CTBP2: variants seen among roughly 807,000 people sequenced by gnomAD.
CTBP2 encodes the protein C-terminal-binding protein 2.
A neutral mutation model predicts 80.3 loss-of-function variants in CTBP2; 30 were observed. That is an observed-to-expected ratio of 0.37 (90% confidence interval 0.28 to 0.51). CTBP2 has a LOEUF of 0.51. Ranked by LOEUF, CTBP2 falls within the 20% of genes least tolerant of loss-of-function variation. The pLI, the probability that CTBP2 is intolerant of heterozygous loss-of-function variation, is 0.93. For missense variants in CTBP2, 1,212 were observed against 1,375.3 expected (o/e 0.88, Z 1.88); for synonymous variants, 594 against 587.4 (o/e 1.01, Z -0.16).
In CTBP2 at chr10:125,098,744, G is replaced by C. The variant is rs11245503; in HGVS notation, c.-102+12246C>G. ...AGAGACAGAGAGAGAGAGAGAGAGAGAGAGACAGAGAGAGAGAGAGAGAGA... is the reference window on the plus strand; with the variant it reads ...AGAGACAGAGAGAGAGAGAGAGAGACAGAGACAGAGAGAGAGAGAGAGAGA... On this transcript the variant is annotated intron_variant, in intron 2 of 10. Coordinates refer to the CTBP2 transcript ENST00000337195. Among the ~76,000 whole-genome samples, 104 of 114,522 alleles carry C rather than the reference G, an allele frequency of 9.1e-4. 4 individuals carry two copies. The highest frequency in any genetic ancestry group is 1.3e-3 in the Non-Finnish European group (69 of 53,650). 75.1% of individuals were successfully genotyped at this position (114,522 alleles called of 152,430 possible).
chr10:125,050,915 C>T (rs1962579682), intron 2 of CTBP2, among the ~76,000 whole-genome samples: 1 of 152,174 alleles, frequency 6.6e-6, no homozygotes, highest in African/African-American at 2.4e-5. Context: ...AGGCCTCCTG[C>T]ACCAAAGTCC....
intron 1 of CTBP2, among the ~76,000 whole-genome samples, chr10:125,112,381 G>A (rs2135940006): frequency 6.6e-6 from 1 of 150,798 alleles, no homozygotes; most frequent in African/African-American, 2.4e-5. Context: ...CCAAAGTGCT[G>A]GGATTACAGG....
intron 2 of CTBP2, among the ~76,000 whole-genome samples, chr10:125,060,823 C>T (rs983386202): frequency 2.0e-4 from 31 of 152,332 alleles, no homozygotes; most frequent in Admixed American, 1.8e-3. Context: ...CTAGAGGACA[C>T]GAAGCCGAGG....
At chr10:125,115,203 A>C (rs1853030178) in intron 1 of CTBP2, among the ~76,000 whole-genome samples, 1 of 152,106 alleles carries the variant, frequency 6.6e-6, no homozygotes, top group African/African-American at 2.4e-5. Context: ...CTGATCCTAA[A>C]GGGGCCCTTG....
intron 2 of CTBP2, among the ~76,000 whole-genome samples, chr10:125,070,876 GCT>G (rs1242219166): frequency 6.6e-6 from 1 of 152,112 alleles, no homozygotes; most frequent in African/African-American, 2.4e-5. Flanking sequence ...TGGCCAGGCT[GCT>G]CTCAGTCTCC....
intron 1 of CTBP2, among the ~76,000 whole-genome samples, chr10:125,139,533 G>T (rs1010374199): frequency 1.3e-5 from 2 of 152,032 alleles, no homozygotes; most frequent in Non-Finnish European, 2.9e-5. Context: ...TGTCTGCCTT[G>T]TTTTTTTCTC....
At chr10:125,145,880 C>T (rs2133331739) in intron 1 of CTBP2, among the ~76,000 whole-genome samples, 1 of 152,208 alleles carries the variant, frequency 6.6e-6, no homozygotes, top group South Asian at 2.1e-4. Context: ...GGTGGTTTCC[C>T]AAGGGCATTT....
intron 1 of CTBP2, among the ~76,000 whole-genome samples, chr10:125,113,782 C>T (rs544293356): frequency 6.6e-6 from 1 of 152,286 alleles, no homozygotes; most frequent in African/African-American, 2.4e-5. Context: ...AGGAAATAGA[C>T]AAGTCTGCCT....
At chr10:125,090,693 G>A (rs547142036) in intron 2 of CTBP2, among the ~76,000 whole-genome samples, 21 of 151,880 alleles carry the variant, frequency 1.4e-4, no homozygotes, top group African/African-American at 3.9e-4. Flanking sequence ...AGCCCAGGAC[G>A]TCGAGGCTGT....
intron 1 of CTBP2, among the ~76,000 whole-genome samples, chr10:125,138,445 C>A (rs774823623): frequency 6.6e-6 from 1 of 152,106 alleles, no homozygotes; most frequent in Non-Finnish European, 1.5e-5. Flanking sequence ...TTTGGTGGGG[C>A]TGGTGAAAAT....
intron 3 of CTBP2, among the ~76,000 whole-genome samples, 199 bp downstream of exon 3, chr10:125,038,798 A>AGAAGCCAGGCCTTGTCCTAAGCC (rs1309961744): frequency 6.6e-6 from 1 of 152,200 alleles, no homozygotes; most frequent in African/African-American, 2.4e-5. Context: ...ACCCCGCCCC[A>AGAAGCCAGGCCTTGTCCTAAGCC]GAAGCCAGGC....
At chr10:125,063,807 C>G (rs1312082946) in intron 2 of CTBP2, among the ~76,000 whole-genome samples, 5 of 152,188 alleles carry the variant, frequency 3.3e-5, no homozygotes, top group Non-Finnish European at 7.3e-5. Context: ...ACACAGCTCT[C>G]CCGTGGCTAT....
rs59556429 is a variant in CTBP2, at chr10:125,078,984, C to CAAA, written c.-102+32003_-102+32005dup. Among the ~76,000 whole-genome samples the CAAA allele has an allele frequency of 8.5e-5, 11 of 129,974 alleles. No homozygotes were observed. The East Asian group carries it at 2.2e-3, about 26-fold the overall frequency. The allele number at this position is 129,974 out of a possible 152,430, so 85.3% of individuals were successfully genotyped here. A position where few individuals can be genotyped will look rare whatever the true frequency, so the allele number is the denominator to read the frequency against. The stretch of plus-strand genomic sequence containing the variant: ...TGAAACCCTGTCTCTACTAAAAATA[C>CAAA]AAAAAAAAAAAAACGAGCCGGGCAT... On this transcript the variant is annotated intron_variant, in intron 2 of 10. Transcript: ENST00000337195.
chr10:125,003,672 A>G (rs1453142629), intron 1 of CTBP2, among the ~76,000 whole-genome samples, 180 bp from the exon 4 acceptor site: 1 of 152,130 alleles, frequency 6.6e-6, no homozygotes, highest in African/African-American at 2.4e-5. Flanking sequence ...AAGAGGAGCC[A>G]CTTCCCATCC....
rs923078386 is a variant in CTBP2 at position 124,993,300 on chromosome 10, G to A, written c.2561C>T (p.Pro854Leu). The A allele has an allele frequency of 8.7e-6, 14 of 1,609,756 alleles. No individual in the cohort carries two copies. The highest frequency in any genetic ancestry group is 2.2e-5 in the East Asian group (1 of 44,752). ...AGTGTGAGGAGTGCAGATGAGATTCGGGGCATCTTTCAACGGACCCTGAGC... is the reference window on the plus strand; with the variant it reads ...AGTGTGAGGAGTGCAGATGAGATTCAGGGCATCTTTCAACGGACCCTGAGC... The change falls in exon 7 of 9, where the codon CCG becomes CTG. Residue 854 changes from proline to leucine, a missense_variant. Pro to Leu is a moderately conservative substitution (Grantham distance 98). This residue lies in a region of CTBP2 where 335 missense variants were observed against 504.7 expected (regional missense o/e 0.66). Coordinates refer to ENST00000309035, the MANE Select transcript of CTBP2 (RefSeq NM_022802.3).
At chr10:125,034,623 T>C (rs924428615) in intron 3 of CTBP2, among the ~76,000 whole-genome samples, 2 of 152,264 alleles carry the variant, frequency 1.3e-5, no homozygotes, top group Admixed American at 6.5e-5. Context: ...TTATTAGAAC[T>C]GTTTGTGGAC....
At chr10:125,102,293 GTGCAA>G (rs1850752654) in intron 2 of CTBP2, among the ~76,000 whole-genome samples, 1 of 152,238 alleles carries the variant, frequency 6.6e-6, no homozygotes, top group Non-Finnish European at 1.5e-5. Context: ...ACCAAGTCCT[GTGCAA>G]TTAGAATCAT....
At chr10:125,103,422 C>A (rs909830395) in intron 2 of CTBP2, among the ~76,000 whole-genome samples, 1 of 152,214 alleles carries the variant, frequency 6.6e-6, no homozygotes, top group African/African-American at 2.4e-5. Context: ...TAGTCAGAGT[C>A]CTGCTCCTTG....
intron 2 of CTBP2, among the ~76,000 whole-genome samples, chr10:125,091,696 G>C (rs1237916122): frequency 1.3e-5 from 2 of 152,204 alleles, no homozygotes; most frequent in Non-Finnish European, 2.9e-5. Context: ...CTTGAGCCCG[G>C]AGGTCAAGAC....
Sources: allele counts gnomAD v4.1 joint callset (sites outside exome capture counted in the v4.1 genomes callset), GRCh38; gene constraint gnomAD v4.1.1; regional missense constraint gnomAD v4.1.1; transcripts MANE v1.5; gene names NCBI Gene and HGNC (gene_info 2026-07-23, HGNC 2026-07-21).